RARB: variants seen among roughly 807,000 people sequenced by gnomAD.
The protein encoded by RARB is retinoic acid receptor beta, also known as HBV-activated protein.
In RARB, 17 loss-of-function variants were observed where a neutral mutation model predicts 51.9. The ratio of observed to expected loss-of-function variants is 0.33; its 90% CI spans 0.22 to 0.49. The LOEUF is 0.49. Ranked by LOEUF, RARB falls within the 20% of genes least tolerant of loss-of-function variation. RARB has a pLI of 0.99. For missense variants in RARB, 369 were observed against 550.8 expected (o/e 0.67, Z 3.30); for synonymous variants, 215 against 195.4 (o/e 1.10, Z -0.84).
intron 5 of RARB, among the ~76,000 whole-genome samples, chr3:25,381,841 T>G (rs1199572798): frequency 1.3e-5 from 2 of 152,148 alleles, no homozygotes; most frequent in East Asian, 3.9e-4. Flanking sequence ...TAACAAACCC[T>G]TCAAGTGATT....
chr3:25,081,371 G>A (rs1458474415), intron 3 of RARB, among the ~76,000 whole-genome samples: 1 of 150,974 alleles, frequency 6.6e-6, no homozygotes, highest in Non-Finnish European at 1.5e-5. Flanking sequence ...ATGTGCTTCT[G>A]AGAAAAATAC....
At chr3:25,135,716 A>G (rs1002473347) in intron 4 of RARB, among the ~76,000 whole-genome samples, 3 of 152,128 alleles carry the variant, frequency 2.0e-5, no homozygotes, top group Admixed American at 1.3e-4. Flanking sequence ...GCATTAAGTC[A>G]TATTTTTTAG....
At chr3:25,190,313 G>A (rs772026061) in intron 5 of RARB, among the ~76,000 whole-genome samples, 3 of 151,914 alleles carry the variant, frequency 2.0e-5, no homozygotes, top group Admixed American at 1.3e-4. Context: ...GCAGATACAC[G>A]CAACAAAAAC....
intron 2 of RARB, among the ~76,000 whole-genome samples, chr3:25,033,285 G>A (rs939136810): frequency 1.3e-5 from 2 of 152,158 alleles, no homozygotes; most frequent in African/African-American, 4.8e-5. Context: ...AATTAAAGTA[G>A]GGGTCACTCA....
chr3:25,065,443 A>G (rs1353092829), intron 3 of RARB, among the ~76,000 whole-genome samples: 2 of 152,218 alleles, frequency 1.3e-5, no homozygotes, highest in South Asian at 4.1e-4. Context: ...GAATCTTTGA[A>G]GTCTACAAGC....
chr3:25,583,880 T>C (rs992087776), intron 5 of RARB, among the ~76,000 whole-genome samples: 4 of 152,216 alleles, frequency 2.6e-5, no homozygotes, highest in Non-Finnish European at 4.4e-5. Flanking sequence ...TTTATGTTTC[T>C]TTCTTCACTC....
At chr3:25,278,536 T>G (rs1274131152) in intron 5 of RARB, among the ~76,000 whole-genome samples, 1 of 152,184 alleles carries the variant, frequency 6.6e-6, no homozygotes, top group Non-Finnish European at 1.5e-5. Context: ...CTGCCAAATA[T>G]CTATGGATGT....
At chr3:25,480,119 T>C (rs1285154485) in intron 2 of RARB, among the ~76,000 whole-genome samples, 4 of 152,218 alleles carry the variant, frequency 2.6e-5, no homozygotes, top group South Asian at 2.1e-4. Context: ...GTAATTTCCA[T>C]TGGATTGGGA....
intron 5 of RARB, among the ~76,000 whole-genome samples, chr3:25,257,647 C>A (rs369327764): frequency 2.8e-4 from 42 of 152,024 alleles, no homozygotes; most frequent in African/African-American, 1.0e-3. Context: ...CAAGTTCGTC[C>A]AAGTCCTGCG....
intron 2 of RARB, among the ~76,000 whole-genome samples, chr3:25,040,116 GA>G (rs1345951522): frequency 1.3e-5 from 2 of 152,174 alleles, no homozygotes; most frequent in African/African-American, 4.8e-5. Context: ...TTTCTGGTCT[GA>G]AATGTTATTG....
chr3:24,997,870 T>G (rs1697076275), intron 2 of RARB, among the ~76,000 whole-genome samples: 1 of 152,192 alleles, frequency 6.6e-6, no homozygotes, highest in Admixed American at 6.6e-5. Context: ...ACTTCTTGAT[T>G]GAGTTGTTAA....
chr3:25,483,177 G>A (rs1696314378), intron 2 of RARB, among the ~76,000 whole-genome samples: 2 of 152,172 alleles, frequency 1.3e-5, no homozygotes, highest in Non-Finnish European at 2.9e-5. Context: ...CATGGAGCGA[G>A]AGGCAGAAAT....
Position 24,990,645 on chromosome 3 carries a change from T to C in RARB, c.-379-69480T>C, listed in dbSNP as rs771686749. 1.8e-4 allele frequency among the ~76,000 whole-genome samples: 15 copies of C among 85,092 alleles called. 4 individuals are homozygous for C. The highest frequency in any genetic ancestry group is 3.0e-4 in the Non-Finnish European group (13 of 42,846). 55.8% of individuals were successfully genotyped at this position (85,092 alleles called of 152,430 possible). A position where few individuals can be genotyped will look rare whatever the true frequency, so the allele number is the denominator to read the frequency against. On this transcript the variant is annotated intron_variant, in intron 2 of 11. Transcript: ENST00000383772. ...TTCCATTCTATTTTGTTTATTTGTC[T>C]AGATCTCAAACAGTATCCCTGTGTT...
At chr3:25,016,993 T>C (rs1348131755) in intron 2 of RARB, among the ~76,000 whole-genome samples, 1 of 152,166 alleles carries the variant, frequency 6.6e-6, no homozygotes, top group East Asian at 1.9e-4. Context: ...AGAAGACACA[T>C]AGCATCATTT....
intron 2 of RARB, among the ~76,000 whole-genome samples, chr3:24,943,168 T>A (rs1276833695): frequency 6.6e-6 from 1 of 152,182 alleles, no homozygotes; most frequent in African/African-American, 2.4e-5. Context: ...TAATCTTAAT[T>A]GTTAGTACTA....
At chr3:24,898,547 G>A (rs189697507) in intron 2 of RARB, among the ~76,000 whole-genome samples, 29 of 152,064 alleles carry the variant, frequency 1.9e-4, no homozygotes, top group Admixed American at 3.3e-4. Context: ...AACCTTATGC[G>A]TAGAACAAAT....
chr3:25,588,054 C>T (rs745774650), intron 5 of RARB, among the ~76,000 whole-genome samples: 3 of 152,144 alleles, frequency 2.0e-5, no homozygotes, highest in Admixed American at 6.5e-5. Flanking sequence ...AGGTAAAGAG[C>T]GGTCTCATTC....
intron 5 of RARB, among the ~76,000 whole-genome samples, chr3:25,421,816 A>G (rs1177073136): frequency 3.9e-5 from 6 of 152,218 alleles, no homozygotes; most frequent in African/African-American, 1.4e-4. Flanking sequence ...ATAGAAGTTA[A>G]GTAACTTTGC....
chr3:25,482,609 G>A (rs1430256516), intron 2 of RARB, among the ~76,000 whole-genome samples: 7 of 127,292 alleles, frequency 5.5e-5, no homozygotes, highest in South Asian at 5.2e-4. Context: ...GCGTGATCTC[G>A]GCTCACTGCA....
Sources: gnomAD v4.1 joint callset for allele counts (sites outside exome capture counted in the v4.1 genomes callset) on GRCh38, gnomAD v4.1.1 for gene constraint, MANE v1.5 for transcripts, NCBI Gene and HGNC (gene_info 2026-07-23, HGNC 2026-07-21) for gene names.